Variants in PRKG1 observed in about 807,000 individuals in gnomAD.
PRKG1 encodes protein kinase cGMP-dependent 1, also known as cGMP-dependent protein kinase 1.
A neutral mutation model predicts 88.1 loss-of-function variants in PRKG1; 35 were observed. That is an observed-to-expected ratio of 0.40 (90% CI 0.30 to 0.53). The LOEUF (loss-of-function observed/expected upper bound fraction) is 0.53, where lower values mean the gene tolerates loss of function less well. PRKG1 is among the 20% of genes least tolerant of loss of function. The pLI, the probability that PRKG1 is intolerant of heterozygous loss-of-function variation, is 0.59. For synonymous variants in PRKG1, 303 were observed against 292.5 expected (o/e 1.04, Z -0.37); for missense variants, 540 against 839.8 (o/e 0.64, Z 4.41).
At chr10:51,122,830 A>G (rs1404679570) in intron 1 of PRKG1, among the ~76,000 whole-genome samples, 3 of 152,188 alleles carry the variant, frequency 2.0e-5, no homozygotes, top group African/African-American at 7.2e-5. Flanking sequence ...AAAATAGACC[A>G]GATCTGTCTC....
intron 1 of PRKG1, among the ~76,000 whole-genome samples, chr10:51,018,888 A>C (rs1277615790): frequency 3.9e-5 from 6 of 152,220 alleles, no homozygotes; most frequent in African/African-American, 1.2e-4. Flanking sequence ...ATTGGTAATT[A>C]TGCATTTATT....
chr10:51,140,493 G>C (rs944313119), intron 1 of PRKG1, among the ~76,000 whole-genome samples: 1 of 152,092 alleles, frequency 6.6e-6, no homozygotes, highest in East Asian at 1.9e-4. Context: ...GTTAAGAGGG[G>C]GTCTGGGGTG....
At chr10:51,728,985 A>T (rs1842206549) in intron 3 of PRKG1, among the ~76,000 whole-genome samples, 1 of 152,220 alleles carries the variant, frequency 6.6e-6, no homozygotes, top group Admixed American at 6.5e-5. Context: ...CTAAGTTATG[A>T]TCATCTACTA....
chr10:51,696,360 C>A (rs977097542), intron 3 of PRKG1: 9 of 152,058 alleles, frequency 5.9e-5, no homozygotes, highest in Admixed American at 6.6e-5. Context: ...AAACCTTCCA[C>A]TACTTATGAA....
At chr10:51,056,093 G>C (rs1320420823) in intron 1 of PRKG1, among the ~76,000 whole-genome samples, 7 of 152,190 alleles carry the variant, frequency 4.6e-5, no homozygotes, top group African/African-American at 1.7e-4. Context: ...GGAGCCTTGG[G>C]CTCTGAGATG....
At chr10:51,403,416 C>G (rs571769460) in intron 2 of PRKG1, among the ~76,000 whole-genome samples, 10 of 152,230 alleles carry the variant, frequency 6.6e-5, no homozygotes, top group Middle Eastern at 3.4e-3. Flanking sequence ...TTCTAGGGAA[C>G]TAAGATATCT....
chr10:51,558,297 C>A (rs1216987837), intron 3 of PRKG1, among the ~76,000 whole-genome samples: 1 of 151,848 alleles, frequency 6.6e-6, no homozygotes, highest in Non-Finnish European at 1.5e-5. Context: ...TATACTATGT[C>A]CTAGTGAATT....
chr10:51,359,933 C>A (rs763740289), intron 2 of PRKG1, among the ~76,000 whole-genome samples: 1 of 151,922 alleles, frequency 6.6e-6, no homozygotes, highest in African/African-American at 2.4e-5. Context: ...AGAGTAAACT[C>A]TAACTTTCAG....
At chr10:51,085,723 A>G (rs1406867596) in intron 1 of PRKG1, among the ~76,000 whole-genome samples, 1 of 151,950 alleles carries the variant, frequency 6.6e-6, no homozygotes, top group Non-Finnish European at 1.5e-5. Context: ...TTTACCCCGT[A>G]GTGTATGGTA....
chr10:51,295,542 TAG>T (rs1453734575), intron 2 of PRKG1, among the ~76,000 whole-genome samples: 5 of 152,262 alleles, frequency 3.3e-5, no homozygotes, highest in South Asian at 2.1e-4. Flanking sequence ...TTGTAGTCTA[TAG>T]AGTTTTCTAC....
intron 3 of PRKG1, among the ~76,000 whole-genome samples, chr10:51,624,759 A>G (rs901044454): frequency 6.6e-6 from 1 of 152,272 alleles, no homozygotes; most frequent in Non-Finnish European, 1.5e-5. Context: ...ACAGACTGTT[A>G]TGAAATCTTT....
At chr10:51,300,316 T>A (rs10490970) in intron 2 of PRKG1, among the ~76,000 whole-genome samples, 26,928 of 152,126 alleles carry the variant, frequency 0.18, 2,347 homozygotes, top group Admixed American at 0.2. Flanking sequence ...AATCCTTGGG[T>A]GTTATTCACA....
At chr10:52,102,775 C>G (rs537367507) in intron 7 of PRKG1, among the ~76,000 whole-genome samples, 1 of 152,058 alleles carries the variant, frequency 6.6e-6, no homozygotes, top group East Asian at 1.9e-4. Flanking sequence ...AACAAATTGA[C>G]ATTAGACAAT....
chr10:52,005,331 T>C (rs1048410758), intron 5 of PRKG1, among the ~76,000 whole-genome samples: 13 of 148,596 alleles, frequency 8.7e-5, no homozygotes, highest in Non-Finnish European at 1.5e-4. Flanking sequence ...TGGCCTCAAG[T>C]GATGTGCCCA....
intron 4 of PRKG1, among the ~76,000 whole-genome samples, chr10:51,885,820 C>T (rs936745425): frequency 6.6e-6 from 1 of 152,116 alleles, no homozygotes; most frequent in Non-Finnish European, 1.5e-5. Context: ...GGCCTTTCCC[C>T]CGCTACTCCC....
At chr10:51,376,737 C>T (rs1189321) in intron 2 of PRKG1, among the ~76,000 whole-genome samples, 5 of 152,146 alleles carry the variant, frequency 3.3e-5, no homozygotes, top group South Asian at 2.1e-4. Context: ...TGCAAGGGTG[C>T]GATCTCGGCT....
chr10:51,934,403 A>G (rs1009564853), intron 5 of PRKG1, among the ~76,000 whole-genome samples: 6 of 152,190 alleles, frequency 3.9e-5, no homozygotes, highest in Non-Finnish European at 1.5e-5. Context: ...ATTTGTTCTT[A>G]ACATTTTAGC....
At chr10:52,148,164 C>A (rs1837783856) in intron 8 of PRKG1, among the ~76,000 whole-genome samples, 3 of 152,210 alleles carry the variant, frequency 2.0e-5, no homozygotes, top group Admixed American at 2.0e-4. Context: ...TATGTAACCT[C>A]TCTTAGCCTT....
At chr10:51,753,750 C>G (rs897890665) in intron 3 of PRKG1, among the ~76,000 whole-genome samples, 8 of 152,250 alleles carry the variant, frequency 5.3e-5, no homozygotes, top group Admixed American at 2.6e-4. Context: ...CATAGGTTGA[C>G]TCTGCTTCAA....
Sources: gnomAD v4.1 joint callset for allele counts (sites outside exome capture counted in the v4.1 genomes callset) on GRCh38, gnomAD v4.1.1 for gene constraint, MANE v1.5 for transcripts, NCBI Gene and HGNC (gene_info 2026-07-23, HGNC 2026-07-21) for gene names.